The following DCDC2C variants were observed in gnomAD, a reference collection of about 807,000 sequenced individuals.
The protein encoded by DCDC2C is doublecortin domain-containing protein 2C.
In DCDC2C, 44 loss-of-function variants were observed where a neutral mutation model predicts 45.0. The ratio of observed to expected loss-of-function variants is 0.98; its 90% confidence interval spans 0.77 to 1.26. The LOEUF (loss-of-function observed/expected upper bound fraction) is 1.26, where lower values mean the gene tolerates loss of function less well. Among genes scored for constraint, DCDC2C ranks in the 50% most tolerant of loss-of-function variants. DCDC2C has a pLI of 0.00. For missense variants in DCDC2C, 447 were observed against 468.9 expected (o/e 0.95, Z 0.43); for synonymous variants, 187 against 178.8 (o/e 1.05, Z -0.37).
intron 10 of DCDC2C, among the ~76,000 whole-genome samples, chr2:3,807,242 T>TC (rs959424992): frequency 2.8e-4 from 42 of 152,198 alleles, no homozygotes; most frequent in African/African-American, 9.4e-4. Flanking sequence ...CTTCCAAATT[T>TC]CCCCCCTTGC....
intron 10 of DCDC2C, among the ~76,000 whole-genome samples, chr2:3,799,915 T>C (rs2148200873): frequency 6.6e-6 from 1 of 152,382 alleles, no homozygotes; most frequent in African/African-American, 2.4e-5. Context: ...GCTTCCCAGA[T>C]GCTTTGTTTA....
intron 8 of DCDC2C, among the ~76,000 whole-genome samples, chr2:3,771,204 G>C (rs1670157659): frequency 6.6e-6 from 1 of 152,258 alleles, no homozygotes. Flanking sequence ...GCTGGGGACA[G>C]CTGAGTGCCA....
At chr2:3,709,325 G>A (rs1668147350) in intron 2 of DCDC2C, among the ~76,000 whole-genome samples, 1 of 152,162 alleles carries the variant, frequency 6.6e-6, no homozygotes, top group Non-Finnish European at 1.5e-5. Context: ...TCGTTGTAAG[G>A]ACTAAATGGT....
At chr2:3,736,560 G>T (rs1669033107) in intron 3 of DCDC2C, among the ~76,000 whole-genome samples, 1 of 152,142 alleles carries the variant, frequency 6.6e-6, no homozygotes, top group Admixed American at 6.5e-5. Flanking sequence ...TGAGCAGAGG[G>T]GTAGGATTCT....
At chr2:3,766,977 T>C (rs962911471) in intron 6 of DCDC2C, among the ~76,000 whole-genome samples, 1 of 152,208 alleles carries the variant, frequency 6.6e-6, no homozygotes, top group Non-Finnish European at 1.5e-5. Context: ...CGGCCACAGC[T>C]CCCTGTCAGC....
chr2:3,788,639 T>C (rs1423583844), intron 10 of DCDC2C: 5 of 152,196 alleles, frequency 3.3e-5, no homozygotes, highest in African/African-American at 1.2e-4. Context: ...TGACATGGTC[T>C]ATCTGGGTGC....
In DCDC2C at chr2:3,703,623, C is replaced by CGTCCCCGTCCCGTCCT. The variant is rs1558553342; in HGVS notation, c.-129_-128insGTCCCCGTCCCGTCCT. On this transcript the variant is annotated 5_prime_UTR_variant, in exon 1 of 11. Transcript: ENST00000399143. This position sits in a 1 kb window ranked among gnomAD's most constrained non-coding sequence, Gnocchi z 4.4. ...CCCCCGTCCCGTCCCCGTCCCGTCC[C>CGTCCCCGTCCCGTCCT]CGTCCTGCGCCAGCGGCTGGAGCGG... 5.3e-6 allele frequency: 5 copies of CGTCCCCGTCCCGTCCT among 938,594 alleles called. No homozygotes were observed. Among genetic ancestry groups the CGTCCCCGTCCCGTCCT allele is most frequent in the South Asian group, 5.4e-5 (1 of 18,648 alleles). The allele number at this position is 938,594 out of a possible 1,614,324, so 58.1% of individuals were successfully genotyped here.
chr2:3,817,324 A>T lies in DCDC2C; in HGVS notation c.1066-29830A>T, dbSNP rs141956192. Among the ~76,000 whole-genome samples, 1,397 of 152,272 alleles carry T rather than the reference A, an allele frequency of 9.2e-3. 23 individuals carry two copies. Among genetic ancestry groups the T allele is most frequent in the African/African-American group, 0.031 (1,287 of 41,552 alleles). ...ATGGAGGACCCTTTTGTAGTGAGGA[A>T]ACCTCTTTTTGCCCATATAACAGCA... On this transcript the variant is annotated intron_variant, in intron 10 of 10. Coordinates refer to ENST00000399143, the MANE Select transcript of DCDC2C (RefSeq NM_001287444.2).
chr2:3,785,182 ATCT>A (rs1483321595), intron 10 of DCDC2C, 82 bp downstream of exon 10: 9 of 1,063,766 alleles, frequency 8.5e-6, no homozygotes, highest in Non-Finnish European at 1.1e-5. Flanking sequence ...GGATCCCCAA[ATCT>A]TCTCAGGTGC....
intron 10 of DCDC2C, among the ~76,000 whole-genome samples, chr2:3,798,088 CTCT>C (rs1234340869): frequency 6.6e-6 from 1 of 151,932 alleles, no homozygotes; most frequent in Non-Finnish European, 1.5e-5. Context: ...GGATAGTTAG[CTCT>C]TCTTGTTGAA....
intron 10 of DCDC2C, among the ~76,000 whole-genome samples, chr2:3,823,475 T>A (rs1671742158): frequency 6.6e-6 from 1 of 152,196 alleles, no homozygotes; most frequent in Non-Finnish European, 1.5e-5. Context: ...GTGTCTTATG[T>A]CTTGTTGGTT....
intron 10 of DCDC2C, among the ~76,000 whole-genome samples, chr2:3,794,243 T>C (rs1670896691): frequency 6.6e-6 from 1 of 152,356 alleles, no homozygotes; most frequent in South Asian, 2.1e-4. Context: ...TATACAATAC[T>C]TAAAAAATCA....
intron 10 of DCDC2C, among the ~76,000 whole-genome samples, chr2:3,810,945 G>A (rs1015102542): frequency 7.9e-5 from 12 of 152,136 alleles, no homozygotes; most frequent in African/African-American, 2.9e-4. Context: ...CTATATGTCT[G>A]TTTTGGTACC....
intron 9 of DCDC2C, 131 bp downstream of exon 9, chr2:3,779,015 G>A (rs935526136): frequency 8.5e-6 from 7 of 828,272 alleles, no homozygotes; most frequent in Admixed American, 2.8e-5. Context: ...GCGCGGAATC[G>A]GAAGCGAGTG....
At position 3,703,668 on chromosome 2, in the gene DCDC2C, C is replaced by T. The variant is rs1444277368; in HGVS notation, c.-84C>T. On this transcript the variant is annotated 5_prime_UTR_variant, in exon 1 of 11. Coordinates refer to ENST00000399143, the MANE Select transcript of DCDC2C (RefSeq NM_001287444.2). This position sits in a 1 kb window ranked among gnomAD's most constrained non-coding sequence, Gnocchi z 4.4. ...GAGCGGACCTCCCGTCGGCGGTGCC[C>T]GGGCCTGGGCGCGGCTCTGCAGGCG... 1.4e-5 allele frequency: 17 copies of T among 1,195,590 alleles called. No individual in the cohort carries two copies. The Admixed American group carries it at 7.0e-4, about 49-fold the overall frequency. 74.1% of individuals were successfully genotyped at this position (1,195,590 alleles called of 1,614,324 possible).
rs1284991632 is a variant in DCDC2C, at chr2:3,734,422, G to A, written c.416+7343G>A. ...ATCTAGGATGAGACAATCATCTGATGTTGGTGACACGGGTGTCACTAACAT... is the reference window on the plus strand; with the variant it reads ...ATCTAGGATGAGACAATCATCTGATATTGGTGACACGGGTGTCACTAACAT... On this transcript the variant is annotated intron_variant, in intron 3 of 10. Transcript: ENST00000399143. The surrounding 1 kb of genome is among the most constrained non-coding windows in gnomAD (Gnocchi z 4.2). Among the ~76,000 whole-genome samples, 1 of 152,218 alleles carries A rather than the reference G, an allele frequency of 6.6e-6. No homozygotes were observed. Among genetic ancestry groups the A allele is most frequent in the African/African-American group, 2.4e-5 (1 of 41,456 alleles).
Position 3,767,889 on chromosome 2 carries a change from C to T in DCDC2C, c.853+9C>T, listed in dbSNP as rs1361998048. 6 of 1,494,490 alleles carry T rather than the reference C, an allele frequency of 4.0e-6. No individual in the cohort carries two copies. The highest frequency in any genetic ancestry group is 5.3e-6 in the Non-Finnish European group (6 of 1,126,584). 92.6% of individuals were successfully genotyped at this position (1,494,490 alleles called of 1,614,324 possible). On this transcript the variant is annotated intron_variant, in intron 7 of 10. Coordinates refer to ENST00000399143, the MANE Select transcript of DCDC2C (RefSeq NM_001287444.2). ...AGTCCAAAGGGGTGCAGGTGACGTG[C>T]AGTTTCATTCTGCTGTAGGCAGTTC...
chr2:3,847,136 C>T lies in DCDC2C; in HGVS notation c.1066-18C>T. 8.1e-7 allele frequency: 1 copy of T among 1,231,418 alleles called. No homozygotes were observed. Among genetic ancestry groups the T allele is most frequent in the East Asian group, 3.2e-5 (1 of 31,696 alleles). 76.3% of individuals were successfully genotyped at this position (1,231,418 alleles called of 1,614,324 possible). ...CTTGAAGATGTTCTCTGTTAACCTGCTTTTCTATGTCTTCCAGATGGCCCG... is the reference window on the plus strand; with the variant it reads ...CTTGAAGATGTTCTCTGTTAACCTGTTTTTCTATGTCTTCCAGATGGCCCG... On this transcript the variant is annotated intron_variant, in intron 10 of 10. Coordinates refer to ENST00000399143, the MANE Select transcript of DCDC2C (RefSeq NM_001287444.2).
chr2:3,806,414 T>C (rs913989180), intron 10 of DCDC2C, among the ~76,000 whole-genome samples: 4 of 152,212 alleles, frequency 2.6e-5, no homozygotes, highest in African/African-American at 9.7e-5. Context: ...AGAGCGAAGC[T>C]CGCCTGTGTT....
Sources: allele counts gnomAD v4.1 joint callset (sites outside exome capture counted in the v4.1 genomes callset), GRCh38; gene constraint gnomAD v4.1.1; non-coding constraint Gnocchi (gnomAD v3.1); transcripts MANE v1.5; gene names NCBI Gene and HGNC (gene_info 2026-07-23, HGNC 2026-07-21).